Variants in WDR70 observed in about 807,000 individuals in gnomAD.
WDR70 encodes the protein WD repeat domain 70.
Under a neutral mutation model 88.6 loss-of-function variants are expected in WDR70, and 53 were observed. The ratio of observed to expected loss-of-function variants is 0.60; its 90% CI spans 0.48 to 0.75. The LOEUF is 0.75. Ranked by LOEUF, WDR70 falls within the 30% of genes least tolerant of loss-of-function variation. The pLI is 0.00. For missense variants in WDR70, 610 were observed against 823.2 expected (o/e 0.74, Z 3.17); for synonymous variants, 280 against 270.0 (o/e 1.04, Z -0.36).
chr5:37,570,538 C>T (rs1742871588), intron 9 of WDR70, among the ~76,000 whole-genome samples: 1 of 151,644 alleles, frequency 6.6e-6, no homozygotes, highest in South Asian at 2.1e-4. Flanking sequence ...AGAAAAGGAC[C>T]CAAGACTGAA....
In WDR70 at chr5:37,697,723, C is replaced by T; in HGVS notation, c.1161C>T (p.Ser387=). Residue 387 remains serine (S), a synonymous_variant, in exon 11 of 18, where the codon TCC becomes TCT. Coordinates refer to ENST00000265107, the MANE Select transcript of WDR70 (RefSeq NM_018034.4). The part of the protein sequence containing the change: ...SGTDTSCVTF[S]YDGNVLASRG... ...CAGACACTTCTTGCGTGACTTTTTC[C>T]TATGATGGTAATGTCCTTGCCTCTC... is the stretch of plus-strand genomic sequence containing the variant. The T allele has an allele frequency of 1.2e-6, 2 of 1,613,720 alleles. No individual in the cohort carries two copies. Among genetic ancestry groups the T allele is most frequent in the Non-Finnish European group, 1.7e-6 (2 of 1,179,732 alleles).
chr5:37,527,573 GC>G (rs1219683996), intron 9 of WDR70, among the ~76,000 whole-genome samples: 7 of 152,142 alleles, frequency 4.6e-5, no homozygotes, highest in African/African-American at 1.7e-4. Flanking sequence ...ATAGGCATGG[GC>G]AAGGACTTAT....
In WDR70 at chr5:37,537,846, G is replaced by A. The variant is rs959943996; in HGVS notation, c.917+21256G>A. On this transcript the variant is annotated intron_variant, in intron 9 of 17. Coordinates refer to ENST00000265107, the MANE Select transcript of WDR70 (RefSeq NM_018034.4). ...TTACTTTCCTTCATACTGGAAAACTGCATGGATTGTCGAGAACAACTAGCA... is the reference window on the plus strand; with the variant it reads ...TTACTTTCCTTCATACTGGAAAACTACATGGATTGTCGAGAACAACTAGCA... Among the ~76,000 whole-genome samples the A allele has an allele frequency of 2.0e-5, 3 of 152,098 alleles. No individual in the cohort carries two copies. In the South Asian group the frequency reaches 6.2e-4, roughly 32 times the overall value.
At position 37,415,482 on chromosome 5, in the gene WDR70, G is replaced by A. The variant is rs554501946; in HGVS notation, c.492+18912G>A. Among the ~76,000 whole-genome samples the A allele has an allele frequency of 1.3e-4, 9 of 71,640 alleles. 3 individuals are homozygous for A. Among genetic ancestry groups the A allele is most frequent in the South Asian group, 4.8e-4 (1 of 2,068 alleles). 47.0% of individuals were successfully genotyped at this position (71,640 alleles called of 152,430 possible). A position where few individuals can be genotyped will look rare whatever the true frequency, so the allele number is the denominator to read the frequency against. On this transcript the variant is annotated intron_variant, in intron 5 of 17. Coordinates refer to ENST00000265107, the MANE Select transcript of WDR70 (RefSeq NM_018034.4). ...GGGCTGATCCCCCCACCTCCCTCCC[G>A]GAAGGGGCGGCTGGGGGTGGGGGGG...
chr5:37,467,763 C>T (rs1282592624), intron 7 of WDR70, among the ~76,000 whole-genome samples: 1 of 151,670 alleles, frequency 6.6e-6, no homozygotes, highest in Non-Finnish European at 1.5e-5. Flanking sequence ...TTCTCCCAGG[C>T]CGGACTGCAG....
At chr5:37,555,808 T>A (rs1401661634) in intron 9 of WDR70, among the ~76,000 whole-genome samples, 1 of 152,154 alleles carries the variant, frequency 6.6e-6, no homozygotes, top group East Asian at 1.9e-4. Flanking sequence ...AACCTCCACC[T>A]CCTGGGTTCA....
intron 11 of WDR70, 21 bp from the exon 12 acceptor site, chr5:37,701,037 T>G (rs755677231): frequency 2.6e-6 from 4 of 1,511,762 alleles, no homozygotes; most frequent in Non-Finnish European, 1.8e-6. Flanking sequence ...TGTCTTTTTT[T>G]TCCCCTCATT....
At chr5:37,605,323 T>G (rs1360991039) in intron 10 of WDR70, 85 bp downstream of exon 10, 1 of 1,393,466 alleles carries the variant, frequency 7.2e-7, no homozygotes, top group Non-Finnish European at 9.5e-7. Context: ...CGTGTTAAAG[T>G]ATTATGAAGG....
At chr5:37,661,232 TAGG>T (rs1307746330) in intron 10 of WDR70, among the ~76,000 whole-genome samples, 1 of 152,190 alleles carries the variant, frequency 6.6e-6, no homozygotes, top group Non-Finnish European at 1.5e-5. Context: ...CTCTAGAACA[TAGG>T]AGGGTTTACT....
chr5:37,729,028 A>G (rs373644092), intron 17 of WDR70, among the ~76,000 whole-genome samples: 26 of 152,194 alleles, frequency 1.7e-4, no homozygotes, highest in African/African-American at 1.7e-4. Flanking sequence ...TTCCAATACT[A>G]TCATTTAGTT....
At chr5:37,603,915 A>G (rs1443941067) in intron 9 of WDR70, among the ~76,000 whole-genome samples, 1 of 152,312 alleles carries the variant, frequency 6.6e-6, no homozygotes, top group East Asian at 1.9e-4. Flanking sequence ...ATAAAACAAC[A>G]TATTTTCCTT....
At chr5:37,391,098 T>C (rs949809796) in intron 3 of WDR70, among the ~76,000 whole-genome samples, 3 of 152,218 alleles carry the variant, frequency 2.0e-5, no homozygotes, top group African/African-American at 7.2e-5. Context: ...AAAAAATATA[T>C]CACCATCTAC....
At chr5:37,728,350 A>G (rs1435302925) in intron 17 of WDR70, among the ~76,000 whole-genome samples, 1 of 66,174 alleles carries the variant, frequency 1.5e-5, no homozygotes, top group Non-Finnish European at 3.2e-5. Flanking sequence ...CTTGCCTCCA[A>G]AAAAAAAAAA....
intron 9 of WDR70, among the ~76,000 whole-genome samples, chr5:37,568,320 G>A (rs905581637): frequency 7.2e-5 from 11 of 152,266 alleles, no homozygotes; most frequent in African/African-American, 2.6e-4. Context: ...CTTACCTTAA[G>A]TTTTATAAAT....
chr5:37,588,734 A>C (rs1743438051), intron 9 of WDR70, among the ~76,000 whole-genome samples: 1 of 151,276 alleles, frequency 6.6e-6, no homozygotes, highest in Non-Finnish European at 1.5e-5. Flanking sequence ...GCATTACCAC[A>C]CCTGGCTAAT....
At chr5:37,682,382 C>T (rs750571673) in intron 10 of WDR70, among the ~76,000 whole-genome samples, 4 of 151,812 alleles carry the variant, frequency 2.6e-5, no homozygotes, top group Admixed American at 6.6e-5. Context: ...CTCTTAGATT[C>T]ATTGATCTTT....
intron 7 of WDR70, among the ~76,000 whole-genome samples, chr5:37,454,614 G>A (rs1209972055): frequency 6.6e-6 from 1 of 152,214 alleles, no homozygotes; most frequent in Non-Finnish European, 1.5e-5. Flanking sequence ...AGTCAATGCT[G>A]TAGTCATAAA....
rs571605588 is a variant in WDR70 at position 37,516,265 on chromosome 5, C to T, written c.841-249C>T. On this transcript the variant is annotated intron_variant, in intron 8 of 17. Coordinates refer to ENST00000265107, the MANE Select transcript of WDR70 (RefSeq NM_018034.4). ...TCTCCATTTCCCACCTTACTAAGCA[C>T]CTGTTACATACAAGCACTGAGTTAA... Among the ~76,000 whole-genome samples, 11 of 152,228 alleles carry T rather than the reference C, an allele frequency of 7.2e-5. No individual in the cohort carries two copies. In the East Asian group the frequency reaches 1.9e-3, roughly 27 times the overall value.
At chr5:37,444,008 G>T (rs894343667) in intron 7 of WDR70, among the ~76,000 whole-genome samples, 1 of 151,718 alleles carries the variant, frequency 6.6e-6, no homozygotes, top group Non-Finnish European at 1.5e-5. Context: ...AACAAGCCAG[G>T]CGTGGTGGCT....
Sources: gnomAD v4.1 joint callset for allele counts (sites outside exome capture counted in the v4.1 genomes callset) on GRCh38, gnomAD v4.1.1 for gene constraint, MANE v1.5 for transcripts, NCBI Gene and HGNC (gene_info 2026-07-23, HGNC 2026-07-21) for gene names.